CCDC3: variants seen among roughly 807,000 people sequenced by gnomAD.
CCDC3 encodes the protein coiled-coil domain containing 3.
In CCDC3, 24 loss-of-function variants were observed where a neutral mutation model predicts 21.4. The ratio of observed to expected loss-of-function variants is 1.12; its 90% confidence interval spans 0.81 to 1.58. The LOEUF (loss-of-function observed/expected upper bound fraction) is 1.58, where lower values mean the gene tolerates loss of function less well. Among genes scored for constraint, CCDC3 ranks in the 40% most tolerant of loss-of-function variants. The pLI, the probability that CCDC3 is intolerant of heterozygous loss-of-function variation, is 0.00. For synonymous variants in CCDC3, 186 were observed against 166.0 expected, an observed-to-expected ratio of 1.12 and a Z score of -0.93; for missense variants, 425 against 360.9, an observed-to-expected ratio of 1.18 and a Z score of -1.44.
At chr10:12,947,395 G>T (rs1589017346) in intron 2 of CCDC3, among the ~76,000 whole-genome samples, 2 of 152,260 alleles carry the variant, frequency 1.3e-5, no homozygotes, top group East Asian at 3.9e-4. Context: ...TGATCTGCCT[G>T]CCTTGGCCTC....
intron 3 of CCDC3, among the ~76,000 whole-genome samples, chr10:13,096,676 G>C (rs1369819273): frequency 6.6e-6 from 1 of 152,178 alleles, no homozygotes; most frequent in Non-Finnish European, 1.5e-5. Context: ...GGTTCTTCTA[G>C]GGAACAGTCT....
intron 3 of CCDC3, among the ~76,000 whole-genome samples, chr10:13,092,861 T>A (rs189510531): frequency 1.3e-5 from 2 of 152,264 alleles, no homozygotes; most frequent in Admixed American, 1.3e-4. Context: ...AATGACTGTC[T>A]CCTGGCCTAT....
chr10:13,034,292 T>C (rs1589046311), intron 5 of CCDC3, among the ~76,000 whole-genome samples: 1 of 126,208 alleles, frequency 7.9e-6, no homozygotes, highest in East Asian at 2.4e-4. Context: ...AATTGAACAA[T>C]GAGAACACTT....
chr10:12,935,376 G>A (rs887768421), intron 2 of CCDC3, among the ~76,000 whole-genome samples: 4 of 152,108 alleles, frequency 2.6e-5, no homozygotes, highest in African/African-American at 9.7e-5. Context: ...GAACCACTAT[G>A]CCAGGCCTTG....
rs148966619 is a variant in CCDC3, at chr10:12,955,584, G to C, written c.549+42754C>G. 3.1e-3 allele frequency among the ~76,000 whole-genome samples: 476 copies of C among 152,156 alleles called. 13 individuals carry two copies. In the East Asian group the frequency reaches 0.057, roughly 18 times the overall value. ...TTTTTTCTTTGAGAGACAGGGTCTT[G>C]ATCTATCACCCAGGCTGGAGTACAC... is the stretch of plus-strand genomic sequence containing the variant. On this transcript the variant is annotated intron_variant, in intron 2 of 2. Coordinates refer to ENST00000378825, the MANE Select transcript of CCDC3 (RefSeq NM_031455.4).
intron 5 of CCDC3, among the ~76,000 whole-genome samples, chr10:13,038,901 T>C (rs1836413437): frequency 6.6e-6 from 1 of 152,218 alleles, no homozygotes; most frequent in South Asian, 2.1e-4. Flanking sequence ...GCACACCTGC[T>C]CAAGGTGGTT....
intron 2 of CCDC3, among the ~76,000 whole-genome samples, chr10:12,959,382 G>A (rs1835145139): frequency 6.6e-6 from 1 of 152,024 alleles, no homozygotes; most frequent in Non-Finnish European, 1.5e-5. Context: ...TGACCAGGCT[G>A]GTCTCGAACT....
chr10:12,919,084 C>A (rs188132807), intron 2 of CCDC3, among the ~76,000 whole-genome samples: 328 of 152,036 alleles, frequency 2.2e-3, no homozygotes, highest in African/African-American at 7.5e-3. Flanking sequence ...AAAAAGACAC[C>A]AAGTTCTAGC....
chr10:12,991,009 A>G (rs957783147), intron 2 of CCDC3, among the ~76,000 whole-genome samples: 1 of 152,268 alleles, frequency 6.6e-6, no homozygotes, highest in Non-Finnish European at 1.5e-5. Flanking sequence ...CTTGTTGACC[A>G]TAAGCTACAC....
At chr10:13,038,573 C>T (rs956315496) in intron 5 of CCDC3, among the ~76,000 whole-genome samples, 1 of 152,176 alleles carries the variant, frequency 6.6e-6, no homozygotes, top group Non-Finnish European at 1.5e-5. Context: ...TGAGGCTTAG[C>T]TTAGAGGCTT....
intron 3 of CCDC3, among the ~76,000 whole-genome samples, chr10:13,089,017 A>G (rs892103712): frequency 6.6e-6 from 1 of 151,740 alleles, no homozygotes; most frequent in Admixed American, 6.5e-5. Context: ...CAAAAAAAAA[A>G]AAAAATAAAA....
intron 4 of CCDC3, among the ~76,000 whole-genome samples, chr10:13,059,206 G>C (rs1450719859): frequency 1.3e-5 from 2 of 152,094 alleles, no homozygotes; most frequent in Non-Finnish European, 2.9e-5. Flanking sequence ...CTCCTGTCCG[G>C]GTGACGCCAA....
intron 2 of CCDC3, among the ~76,000 whole-genome samples, chr10:12,951,560 C>T (rs1315106247): frequency 6.6e-6 from 1 of 152,078 alleles, no homozygotes; most frequent in East Asian, 1.9e-4. Flanking sequence ...AATCCCAGCA[C>T]TTTGGGAGGC....
chr10:13,042,590 C>A (rs1373706587), intron 5 of CCDC3, among the ~76,000 whole-genome samples: 1 of 152,150 alleles, frequency 6.6e-6, no homozygotes, highest in East Asian at 1.9e-4. Context: ...TGCTTGGTTA[C>A]CTTCTAAAAT....
chr10:13,016,347 A>AC (rs1836059619), intron 5 of CCDC3, among the ~76,000 whole-genome samples: 1 of 151,808 alleles, frequency 6.6e-6, no homozygotes, highest in Non-Finnish European at 1.5e-5. Flanking sequence ...AAAAAAAAAA[A>AC]AAAAACACAA....
chr10:13,093,948 T>C (rs1832604096), intron 3 of CCDC3, among the ~76,000 whole-genome samples: 1 of 152,152 alleles, frequency 6.6e-6, no homozygotes, highest in African/African-American at 2.4e-5. Flanking sequence ...GGAACTGTGG[T>C]GCATTACAGT....
At chr10:13,060,060 A>G (rs1011941217) in intron 4 of CCDC3, among the ~76,000 whole-genome samples, 1 of 152,184 alleles carries the variant, frequency 6.6e-6, no homozygotes, top group Non-Finnish European at 1.5e-5. Flanking sequence ...CTCCAGCCTG[A>G]CAACAGAGTG....
At chr10:12,907,062 CT>C (rs1342589314) in intron 2 of CCDC3, among the ~76,000 whole-genome samples, 2 of 152,190 alleles carry the variant, frequency 1.3e-5, no homozygotes, top group Non-Finnish European at 2.9e-5. Context: ...GCCCTGTCAT[CT>C]TTTCCTGGTT....
chr10:13,000,606 T>C (rs1835831881), intron 1 of CCDC3, among the ~76,000 whole-genome samples: 1 of 152,142 alleles, frequency 6.6e-6, no homozygotes, highest in Non-Finnish European at 1.5e-5. Flanking sequence ...CCGGGCTACA[T>C]TCCACACCAT....
Sources: gnomAD v4.1 joint callset for allele counts (sites outside exome capture counted in the v4.1 genomes callset) on GRCh38, gnomAD v4.1.1 for gene constraint, MANE v1.5 for transcripts, NCBI Gene and HGNC (gene_info 2026-07-23, HGNC 2026-07-21) for gene names.